Variants in WDR72 observed in about 807,000 individuals in gnomAD.
WDR72 encodes the protein WD repeat domain 72.
A neutral mutation model predicts 124.2 loss-of-function variants in WDR72; 120 were observed. The ratio of observed to expected loss-of-function variants is 0.97; its 90% CI spans 0.83 to 1.12. The LOEUF is 1.12. WDR72 is among the 50% of genes most tolerant of loss of function. WDR72 has a pLI of 0.00. For missense variants in WDR72, 1,387 were observed against 1,278.8 expected (o/e 1.08, Z -1.29); for synonymous variants, 452 against 441.7 (o/e 1.02, Z -0.29).
intron 13 of WDR72, among the ~76,000 whole-genome samples, chr15:53,682,526 C>A: frequency 6.6e-6 from 1 of 151,618 alleles, no homozygotes; most frequent in East Asian, 1.9e-4. Flanking sequence ...TTTTTTTTCC[C>A]ACCATCTCTT....
chr15:53,711,048 T>C (rs533620117), intron 8 of WDR72, 95 bp from the exon 9 acceptor site: 1 of 1,101,364 alleles, frequency 9.1e-7, no homozygotes, highest in East Asian at 2.5e-5. Context: ...ATGGTACCGT[T>C]CAAGTTTCTA....
At chr15:53,677,785 G>A (rs780296423) in intron 13 of WDR72, among the ~76,000 whole-genome samples, 12 of 152,166 alleles carry the variant, frequency 7.9e-5, no homozygotes, top group Non-Finnish European at 1.3e-4. Context: ...AGAAGCACAT[G>A]TAAGAGATAA....
At chr15:53,716,769 A>AGTGCTGCACTAAAGT in intron 3 of WDR72, 84 bp from the exon 4 acceptor site, 1 of 955,682 alleles carries the variant, frequency 1.0e-6, no homozygotes, top group Non-Finnish European at 1.7e-6. Context: ...GTTTTTCTTT[A>AGTGCTGCACTAAAGT]GCAGCCTGAT....
At chr15:53,607,190 G>T (rs572615377) in intron 17 of WDR72, among the ~76,000 whole-genome samples, 1 of 152,008 alleles carries the variant, frequency 6.6e-6, no homozygotes, top group African/African-American at 2.4e-5. Context: ...GAGAAAGAAG[G>T]ATTTAAATTG....
At chr15:53,740,403 G>T (rs965265598) in intron 1 of WDR72, among the ~76,000 whole-genome samples, 1 of 151,184 alleles carries the variant, frequency 6.6e-6, no homozygotes, top group Non-Finnish European at 1.5e-5. Context: ...CGTCTCCCGG[G>T]TTCACGCCAT....
intron 17 of WDR72, among the ~76,000 whole-genome samples, chr15:53,601,614 T>C (rs2140346431): frequency 6.9e-6 from 1 of 145,632 alleles, no homozygotes. Flanking sequence ...CAAGATAACA[T>C]GTCAACTCTC....
At chr15:53,712,423 C>T (rs1486452854) in intron 7 of WDR72, among the ~76,000 whole-genome samples, 1 of 152,040 alleles carries the variant, frequency 6.6e-6, no homozygotes. Flanking sequence ...TGGTGAAACC[C>T]GGTCTCTCCT....
chr15:53,562,297 C>A (rs946190191), intron 18 of WDR72, among the ~76,000 whole-genome samples: 1 of 151,658 alleles, frequency 6.6e-6, no homozygotes, highest in African/African-American at 2.4e-5. Context: ...AACCTGTGGC[C>A]TAGTTTTCTC....
chr15:53,628,435 A>G (rs1246250902), intron 14 of WDR72, among the ~76,000 whole-genome samples: 3 of 152,170 alleles, frequency 2.0e-5, no homozygotes, highest in African/African-American at 7.2e-5. Flanking sequence ...TGTATTGAAT[A>G]CTATATTACT....
rs749822580 is a variant in WDR72, at chr15:53,665,747, G to C, written c.1787C>G (p.Thr596Arg). 3.1e-6 allele frequency: 5 copies of C among 1,613,720 alleles called. No homozygotes were observed. Among genetic ancestry groups the C allele is most frequent in the Non-Finnish European group, 4.2e-6 (5 of 1,179,802 alleles). Residue 596 changes from threonine (T) to arginine (R), a missense_variant, in exon 14 of 20, where the codon ACA becomes AGA. Coordinates refer to ENST00000360509, the MANE Select transcript of WDR72 (RefSeq NM_182758.4). ...AAGAATAATTCGTGCTCTTTCTCCT[G>C]TCTCATGTCTTTCCAAAGTGCCTGG... ...IETGTLERHE[T>R]GERARIILNC...
chr15:53,690,822 G>A (rs767075619), intron 13 of WDR72, among the ~76,000 whole-genome samples: 26 of 152,064 alleles, frequency 1.7e-4, no homozygotes, highest in Admixed American at 4.6e-4. Context: ...ATATACCTAG[G>A]AGTGGAATTG....
intron 14 of WDR72, among the ~76,000 whole-genome samples, chr15:53,633,544 A>G (rs1032782430): frequency 6.6e-6 from 1 of 152,228 alleles, no homozygotes; most frequent in African/African-American, 2.4e-5. Flanking sequence ...AATTAACAAA[A>G]CAATTCTTCT....
At chr15:53,553,527 T>C (rs1351856816) in intron 18 of WDR72, among the ~76,000 whole-genome samples, 1 of 152,214 alleles carries the variant, frequency 6.6e-6, no homozygotes, top group Non-Finnish European at 1.5e-5. Flanking sequence ...TGTTTCTATT[T>C]AGTTGTTGAA....
intron 18 of WDR72, among the ~76,000 whole-genome samples, chr15:53,529,164 A>ATATATATTTTTTTT (rs59003623): frequency 3.0e-3 from 235 of 78,096 alleles, no homozygotes; most frequent in Non-Finnish European, 5.3e-3. Flanking sequence ...ATATATATAT[A>ATATATATTTTTTTT]TTTTTTTTTT....
chr15:53,613,429 G>A (rs980066607), intron 16 of WDR72, among the ~76,000 whole-genome samples: 2 of 151,996 alleles, frequency 1.3e-5, no homozygotes, highest in African/African-American at 4.8e-5. Flanking sequence ...TTCAATCTAT[G>A]TTTTTAAATG....
chr15:53,590,251 C>T (rs1269374669), intron 18 of WDR72, among the ~76,000 whole-genome samples: 21 of 151,970 alleles, frequency 1.4e-4, no homozygotes, highest in Admixed American at 1.4e-3. Context: ...TATGTGTATG[C>T]CAAATCTTGT....
intron 18 of WDR72, among the ~76,000 whole-genome samples, chr15:53,553,645 T>C (rs1421170005): frequency 1.3e-5 from 2 of 152,170 alleles, no homozygotes; most frequent in Non-Finnish European, 2.9e-5. Context: ...ATTTCACTTA[T>C]ATTAACAGCA....
intron 14 of WDR72, among the ~76,000 whole-genome samples, chr15:53,625,318 C>T (rs1048239650): frequency 3.9e-5 from 6 of 152,154 alleles, no homozygotes; most frequent in African/African-American, 1.2e-4. Flanking sequence ...GATAATTCCC[C>T]AACATGTGAT....
In WDR72 at chr15:53,711,086, T is replaced by A. The variant is rs1046956376; in HGVS notation, c.858-133A>T. Reference sequence around the variant, plus strand: ...CTCTAGTTAGAAATTGTTGGGTTAATAATTACAAGTGACTTTTTGAAAACC... The same window carrying A: ...CTCTAGTTAGAAATTGTTGGGTTAAAAATTACAAGTGACTTTTTGAAAACC... On this transcript the variant is annotated intron_variant, in intron 8 of 19. Transcript: ENST00000360509. 21 of 922,592 alleles carry A rather than the reference T, an allele frequency of 2.3e-5. No individual in the cohort carries two copies. In the African/African-American group the frequency reaches 3.0e-4, roughly 13 times the overall value. The allele number at this position is 922,592 out of a possible 1,614,324, so 57.2% of individuals were successfully genotyped here.
Sources: allele counts gnomAD v4.1 joint callset (sites outside exome capture counted in the v4.1 genomes callset), GRCh38; gene constraint gnomAD v4.1.1; transcripts MANE v1.5; gene names NCBI Gene and HGNC (gene_info 2026-07-23, HGNC 2026-07-21).